The following BRWD1 variants were observed in gnomAD, a reference collection of about 807,000 sequenced individuals.
BRWD1 encodes bromodomain and WD repeat-containing protein 1.
A neutral mutation model predicts 251.2 loss-of-function variants in BRWD1; 82 were observed. That is an observed-to-expected ratio of 0.33 (90% confidence interval 0.27 to 0.39). The LOEUF is 0.39. Ranked by LOEUF, BRWD1 falls within the 10% of genes least tolerant of loss-of-function variation. BRWD1 has a pLI of 1.00. For missense variants in BRWD1, 2,233 were observed against 2,711.6 expected, an observed-to-expected ratio of 0.82 and a Z score of 3.92; for synonymous variants, 918 against 902.8, an observed-to-expected ratio of 1.02 and a Z score of -0.30.
rs2146817189 is a variant in BRWD1, at chr21:39,312,873, C to T, written c.166G>A (p.Gly56Ser). 6.4e-7 allele frequency: 1 copy of T among 1,566,128 alleles called. No homozygotes were observed. The highest frequency in any genetic ancestry group is 8.6e-7 in the Non-Finnish European group (1 of 1,158,992). ...TCGTAGCTCCTGTTGTGCTCGTTGC[C>T]CTCCCAGTCCAATCTCTTCGGCAAC... ...QLLPKRLDWE[G>S]NEHNRSYEEL... The change falls in exon 4 of 41, where the codon GGC becomes AGC. Residue 56 changes from glycine (G) to serine (S), a missense_variant. Gly to Ser is a moderately conservative substitution (Grantham distance 56, BLOSUM62 0). Around this residue, in one of 12 missense-constraint regions of BRWD1, gnomAD observed 101 missense variants for 95.6 expected, o/e 1.06. Coordinates refer to ENST00000342449, the MANE Select transcript of BRWD1 (RefSeq NM_033656.4).
Position 39,185,883 on chromosome 21 carries a change from C to G in BRWD1, c.*10376G>C, listed in dbSNP as rs527696819. 6.6e-6 allele frequency: 1 copy of G among 152,056 alleles called. No homozygotes were observed. Among genetic ancestry groups the G allele is most frequent in the Non-Finnish European group, 1.5e-5 (1 of 67,978 alleles). The allele number at this position is 152,056 out of a possible 1,614,324, so 9.4% of individuals were successfully genotyped here. A position where few individuals can be genotyped will look rare whatever the true frequency, so the allele number is the denominator to read the frequency against. On this transcript the variant is annotated 3_prime_UTR_variant, in exon 41 of 41. Transcript: ENST00000342449. ...AACACGTTACTATGTTAAAAAGATG[C>G]GACAGTATATTCATTTAATCTGGCA...
At chr21:39,212,776 AATAAC>A in intron 33 of BRWD1, 69 bp from the exon 34 acceptor site, 1 of 1,118,914 alleles carries the variant, frequency 8.9e-7, no homozygotes, top group Non-Finnish European at 1.3e-6. Context: ...AATCTTAATA[AATAAC>A]ATATCAAAGA....
Position 39,275,774 on chromosome 21 carries a change from T to C in BRWD1, c.1145+399A>G, listed in dbSNP as rs2035261010. Among the ~76,000 whole-genome samples the C allele has an allele frequency of 1.3e-5, 2 of 152,348 alleles. 1 individual carries two copies. Among genetic ancestry groups the C allele is most frequent in the South Asian group, 4.1e-4 (2 of 4,830 alleles). On this transcript the variant is annotated intron_variant, in intron 12 of 40. Transcript: ENST00000342449. ...ATGGCTGAGCAAGGTGGCTCACGCCTGTAATCCCAGCACTTTAGGAGGGCG... is the reference window on the plus strand; with the variant it reads ...ATGGCTGAGCAAGGTGGCTCACGCCCGTAATCCCAGCACTTTAGGAGGGCG...
intron 8 of BRWD1, among the ~76,000 whole-genome samples, chr21:39,280,672 T>C (rs895547751): frequency 6.6e-6 from 1 of 152,346 alleles, no homozygotes; most frequent in East Asian, 1.9e-4. Flanking sequence ...ACATGAATCC[T>C]AATCTAAGAC....
intron 31 of BRWD1, among the ~76,000 whole-genome samples, chr21:39,215,952 A>G (rs2032871862): frequency 1.3e-5 from 2 of 152,230 alleles, no homozygotes; most frequent in South Asian, 2.1e-4. Context: ...GTGAGCTATC[A>G]TCATGCCACT....
intron 13 of BRWD1, among the ~76,000 whole-genome samples, chr21:39,272,905 C>T (rs965987473): frequency 5.9e-5 from 9 of 152,104 alleles, no homozygotes; most frequent in African/African-American, 2.2e-4. Context: ...AGCCACTATG[C>T]CCAGCCACAA....
At position 39,194,570 on chromosome 21, in the gene BRWD1, G is replaced by C; in HGVS notation, c.*1689C>G. On this transcript the variant is annotated 3_prime_UTR_variant, in exon 41 of 41. Coordinates refer to ENST00000342449, the MANE Select transcript of BRWD1 (RefSeq NM_033656.4). ...AGGAGGTTTCCCACCTATCTCAGTT[G>C]ATAATGTCCAAAAACATCCTTCCCC... The C allele has an allele frequency of 6.8e-7, 1 of 1,461,998 alleles. No homozygotes were observed. Among genetic ancestry groups the C allele is most frequent in the Non-Finnish European group, 9.0e-7 (1 of 1,111,946 alleles). 90.6% of individuals were successfully genotyped at this position (1,461,998 alleles called of 1,614,324 possible).
rs1316689001 is a variant in BRWD1, at chr21:39,191,371, G to A, written c.*4888C>T. 8 of 985,244 alleles carry A rather than the reference G, an allele frequency of 8.1e-6. No individual in the cohort carries two copies. The East Asian group carries it at 6.8e-4, about 84-fold the overall frequency. 61.0% of individuals were successfully genotyped at this position (985,244 alleles called of 1,614,324 possible). A position where few individuals can be genotyped will look rare whatever the true frequency, so the allele number is the denominator to read the frequency against. On this transcript the variant is annotated 3_prime_UTR_variant, in exon 41 of 41. Coordinates refer to ENST00000342449, the MANE Select transcript of BRWD1 (RefSeq NM_033656.4). ...CTTGGGACAAGTCTGGAATTAACCA[G>A]CTAGAATGTATTTGGCTTGGAGTAG... is the stretch of plus-strand genomic sequence containing the variant.
rs528070235 is a variant in BRWD1, at chr21:39,190,674, C to G, written c.*5585G>C. On this transcript the variant is annotated 3_prime_UTR_variant, in exon 41 of 41. Transcript: ENST00000342449. ...TCAATGATCTTCATCCCTCCCAAAG[C>G]AGAAGTTTCCAAAAACATCCCATAA... 1 of 985,360 alleles carries G rather than the reference C, an allele frequency of 1.0e-6. No individual in the cohort carries two copies. The highest frequency in any genetic ancestry group is 1.1e-4 in the East Asian group (1 of 8,812). The allele number at this position is 985,360 out of a possible 1,614,324, so 61.0% of individuals were successfully genotyped here. A position where few individuals can be genotyped will look rare whatever the true frequency, so the allele number is the denominator to read the frequency against.
chr21:39,311,507 G>C (rs989271825), intron 4 of BRWD1, among the ~76,000 whole-genome samples: 1 of 152,160 alleles, frequency 6.6e-6, no homozygotes, highest in African/African-American at 2.4e-5. Flanking sequence ...CACTACATTT[G>C]TTTCAAGTTA....
downstream of BRWD1, chr21:39,184,853 G>C (rs1416378365): frequency 6.6e-6 from 1 of 152,116 alleles, no homozygotes; most frequent in Admixed American, 6.5e-5. Flanking sequence ...TGGGTTAACT[G>C]GTCTATTATG....
chr21:39,215,225 G>A lies in BRWD1; in HGVS notation c.3785+12C>T. Reference sequence around the variant, plus strand: ...GCAGTCACTTTTACACAACATCTATGAAATTACTTACTTGATAAATTTTAA... The same window carrying A: ...GCAGTCACTTTTACACAACATCTATAAAATTACTTACTTGATAAATTTTAA... On this transcript the variant is annotated intron_variant, in intron 32 of 40. Coordinates refer to ENST00000342449, the MANE Select transcript of BRWD1 (RefSeq NM_033656.4). The A allele has an allele frequency of 6.2e-7, 1 of 1,608,620 alleles. No homozygotes were observed. The highest frequency in any genetic ancestry group is 8.5e-7 in the Non-Finnish European group (1 of 1,175,618).
chr21:39,257,765 C>T (rs1203448348), intron 18 of BRWD1, among the ~76,000 whole-genome samples: 5 of 151,828 alleles, frequency 3.3e-5, no homozygotes, highest in African/African-American at 1.2e-4. Context: ...ACAAGTCTTA[C>T]TTTCAAATGC....
At chr21:39,247,034 C>T (rs1046679858) in intron 21 of BRWD1, among the ~76,000 whole-genome samples, 26 of 151,564 alleles carry the variant, frequency 1.7e-4, no homozygotes, top group African/African-American at 6.1e-4. Context: ...GCCGAGATCG[C>T]GCCACTGCAC....
chr21:39,240,139 CA>C, intron 21 of BRWD1, among the ~76,000 whole-genome samples: 1 of 152,192 alleles, frequency 6.6e-6, no homozygotes, highest in East Asian at 1.9e-4. Flanking sequence ...TGAACGAAGC[CA>C]ATCTGCAAAG....
rs1283955196 is a variant in BRWD1, at chr21:39,210,133, A to G, written c.4059T>C (p.Ile1353=). The G allele has an allele frequency of 6.2e-7, 1 of 1,610,638 alleles. No individual in the cohort carries two copies. The highest frequency in any genetic ancestry group is 1.1e-5 in the South Asian group (1 of 90,926). The change falls in exon 36 of 41, where the codon ATT becomes ATC. Residue 1353 remains isoleucine, a synonymous_variant. Transcript: ENST00000342449. ...TTCCAAAATCCATTGGGGTATCTAT[A>G]ATATCTCTGTAGTCCTAGGTTTTAA... ...DLVEYPDYRD[I]IDTPMDFGTV...
chr21:39,309,567 G>A (rs2036400631), intron 4 of BRWD1, among the ~76,000 whole-genome samples: 3 of 151,626 alleles, frequency 2.0e-5, no homozygotes, highest in Admixed American at 2.0e-4. Flanking sequence ...GCTCACGCCT[G>A]TAATCCCAGC....
At position 39,192,021 on chromosome 21, in the gene BRWD1, A is replaced by C; in HGVS notation, c.*4238T>G. On this transcript the variant is annotated 3_prime_UTR_variant, in exon 41 of 41. Coordinates refer to ENST00000342449, the MANE Select transcript of BRWD1 (RefSeq NM_033656.4). ...AGATTGGTAGAATCCAAATGATGTG[A>C]CTCTCCCCCTCCCTCCATCAAATCT... 1.0e-6 allele frequency: 1 copy of C among 972,042 alleles called. No homozygotes were observed. Among genetic ancestry groups the C allele is most frequent in the Non-Finnish European group, 1.2e-6 (1 of 818,070 alleles). 60.2% of individuals were successfully genotyped at this position (972,042 alleles called of 1,614,324 possible).
Position 39,196,300 on chromosome 21 carries a change from T to G in BRWD1, c.6769A>C (p.Ser2257Arg). The change falls in exon 41 of 41, where the codon AGT becomes CGT. Residue 2257 changes from serine to arginine, a missense_variant. Around this residue, in one of 12 missense-constraint regions of BRWD1, gnomAD observed 928 missense variants for 970.0 expected, o/e 0.96. Coordinates refer to ENST00000342449, the MANE Select transcript of BRWD1 (RefSeq NM_033656.4). ...TTGAAATCTAACACATTTTCTAAAC[T>G]TCTGTCATCATCCCCATCATGGTAT... ...VRYHDGDDDRSLENVLDFNGC... is the reference protein window; with the variant it reads ...VRYHDGDDDRRLENVLDFNGC... The G allele has an allele frequency of 6.2e-7, 1 of 1,610,332 alleles. No individual in the cohort carries two copies.
Sources: gnomAD v4.1 joint callset for allele counts (sites outside exome capture counted in the v4.1 genomes callset) on GRCh38, gnomAD v4.1.1 for gene constraint, gnomAD v4.1.1 regional missense constraint, MANE v1.5 for transcripts, NCBI Gene and HGNC (gene_info 2026-07-23, HGNC 2026-07-21) for gene names.